CAST: variants seen among roughly 807,000 people sequenced by gnomAD.
CAST encodes the protein MIR583 host.
CAST carries 76 observed loss-of-function variants against 119.6 expected under a neutral mutation model. That is an observed-to-expected ratio of 0.64 (90% CI 0.53 to 0.77). CAST has a LOEUF of 0.77. CAST is among the 30% of genes least tolerant of loss of function. The probability of loss-of-function intolerance (pLI) is 0.00; values close to 1 mark genes in which losing one functional copy is unlikely to be tolerated. For synonymous variants in CAST, 319 were observed against 331.6 expected, an observed-to-expected ratio of 0.96 and a Z score of 0.41; for missense variants, 953 against 946.5, an observed-to-expected ratio of 1.01 and a Z score of -0.09.
the CAST span, among the ~76,000 whole-genome samples, chr5:96,002,998 G>A: frequency 6.6e-6 from 1 of 152,114 alleles, no homozygotes; most frequent in South Asian, 2.1e-4. Flanking sequence ...CACTTTGGGA[G>A]GCCAAGGCAA....
the CAST span, among the ~76,000 whole-genome samples, chr5:96,108,602 C>T: frequency 6.6e-6 from 1 of 152,200 alleles, no homozygotes; most frequent in Non-Finnish European, 1.5e-5. Context: ...CAGCTGCATT[C>T]TGGGAGAACC....
chr5:96,703,600 G>T (rs1230687285), intron 3 of CAST, among the ~76,000 whole-genome samples: 1 of 152,216 alleles, frequency 6.6e-6, no homozygotes, highest in African/African-American at 2.4e-5. Flanking sequence ...TTACACACAG[G>T]CAGGGGGAAG....
At chr5:96,435,940 C>G in the CAST span, among the ~76,000 whole-genome samples, 2 of 152,206 alleles carry the variant, frequency 1.3e-5, no homozygotes, top group African/African-American at 4.8e-5. Flanking sequence ...GCATACTAAA[C>G]AATGTACCCA....
At chr5:96,003,042 C>T in the CAST span, among the ~76,000 whole-genome samples, 15 of 151,850 alleles carry the variant, frequency 9.9e-5, no homozygotes, top group African/African-American at 3.6e-4. Flanking sequence ...TCAAGACTAG[C>T]CTGGGCAATG....
chr5:96,292,340 C>A, the CAST span, among the ~76,000 whole-genome samples: 2 of 152,116 alleles, frequency 1.3e-5, no homozygotes, highest in East Asian at 3.9e-4. Flanking sequence ...AGTTGTATAA[C>A]GTAAATATGT....
chr5:96,310,937 C>T, the CAST span, among the ~76,000 whole-genome samples: 3,502 of 149,210 alleles, frequency 0.023, 152 homozygotes, highest in African/African-American at 0.082. Flanking sequence ...TTTATTTCTG[C>T]TCTGATATGT....
intron 21 of CAST, 74 bp downstream of exon 21, chr5:96,754,235 T>A: frequency 1.1e-6 from 1 of 923,918 alleles, no homozygotes; most frequent in Non-Finnish European, 1.8e-6. Context: ...AAGTTAGTCA[T>A]TTGTTTTGTT....
At chr5:96,274,612 T>G in the CAST span, among the ~76,000 whole-genome samples, 2 of 152,224 alleles carry the variant, frequency 1.3e-5, no homozygotes, top group African/African-American at 4.8e-5. Flanking sequence ...AGATTTTGTG[T>G]GCGTGTCTAC....
chr5:96,561,282 C>G (rs1465822055), intron 1 of CAST, among the ~76,000 whole-genome samples: 1 of 151,086 alleles, frequency 6.6e-6, no homozygotes, highest in African/African-American at 2.4e-5. Context: ...ATGCAGCACA[C>G]CAACATGGCA....
chr5:96,601,895 T>C (rs1343351436), intron 1 of CAST, among the ~76,000 whole-genome samples: 2 of 152,210 alleles, frequency 1.3e-5, no homozygotes, highest in African/African-American at 4.8e-5. Context: ...TATCCAAAAG[T>C]ATAGTCACCT....
chr5:96,229,005 C>A, the CAST span, among the ~76,000 whole-genome samples: 1 of 150,844 alleles, frequency 6.6e-6, no homozygotes, highest in South Asian at 2.1e-4. Context: ...TTTCCTCTAC[C>A]TTTAGAATAA....
chr5:96,441,102 ATACT>A, the CAST span, among the ~76,000 whole-genome samples: 1 of 152,248 alleles, frequency 6.6e-6, no homozygotes, highest in Non-Finnish European at 1.5e-5. Flanking sequence ...TATACATAAC[ATACT>A]TACAACATTG....
In CAST at chr5:96,729,689, T is replaced by G; in HGVS notation, c.513T>G (p.Ala171=). 1.9e-6 allele frequency: 3 copies of G among 1,575,724 alleles called. No individual in the cohort carries two copies. Among genetic ancestry groups the G allele is most frequent in the Non-Finnish European group, 2.6e-6 (3 of 1,145,150 alleles). Residue 171 remains alanine (A), a synonymous_variant, in exon 8 of 32, where the codon GCT becomes GCG. Coordinates refer to ENST00000675179, the MANE Select transcript of CAST (RefSeq NM_001750.7). ...ATAAAAAAGCAGTTTCCAGATCAGC[T>G]GAACAGCAGCCATCAGAGAAATCAA... is the stretch of plus-strand genomic sequence containing the variant. The part of the protein sequence containing the change: ...AHNKKAVSRS[A]EQQPSEKSTE...
chr5:96,653,894 T>TA (rs1315108846), intron 1 of CAST, among the ~76,000 whole-genome samples: 1 of 152,138 alleles, frequency 6.6e-6, no homozygotes, highest in Admixed American at 6.5e-5. Flanking sequence ...TGTTTCCCCT[T>TA]AAAAATACTA....
chr5:96,290,010 A>G, the CAST span, among the ~76,000 whole-genome samples: 1 of 152,186 alleles, frequency 6.6e-6, no homozygotes, highest in African/African-American at 2.4e-5. Flanking sequence ...TGTTTTATAT[A>G]GATGAAAGTA....
chr5:96,508,320 C>T, the CAST span, among the ~76,000 whole-genome samples: 7 of 152,148 alleles, frequency 4.6e-5, no homozygotes, highest in Non-Finnish European at 5.9e-5. Context: ...TTCTCAGTTC[C>T]TTCACAATTG....
At chr5:96,053,557 A>T in the CAST span, among the ~76,000 whole-genome samples, 1 of 152,182 alleles carries the variant, frequency 6.6e-6, no homozygotes, top group Non-Finnish European at 1.5e-5. Context: ...TGAGCTAATT[A>T]TTTATCAGAT....
At chr5:96,018,221 T>C in the CAST span, among the ~76,000 whole-genome samples, 2 of 152,170 alleles carry the variant, frequency 1.3e-5, no homozygotes, top group African/African-American at 4.8e-5. Context: ...TTTCCCAATA[T>C]AGACTACCAA....
chr5:96,150,932 T>G, the CAST span, among the ~76,000 whole-genome samples: 1 of 152,070 alleles, frequency 6.6e-6, no homozygotes, highest in African/African-American at 2.4e-5. Context: ...TCCCCTCTTC[T>G]CCATCTGCTG....
Sources: gnomAD v4.1 joint callset for allele counts (sites outside exome capture counted in the v4.1 genomes callset) on GRCh38, gnomAD v4.1.1 for gene constraint, MANE v1.5 for transcripts, NCBI Gene and HGNC (gene_info 2026-07-23, HGNC 2026-07-21) for gene names.